STARD13: variants seen among roughly 807,000 people sequenced by gnomAD.
STARD13 encodes stAR-related lipid transfer protein 13.
Under a neutral mutation model 106.4 loss-of-function variants are expected in STARD13, and 62 were observed. That is an observed-to-expected ratio of 0.58 (90% CI 0.48 to 0.72). The LOEUF (loss-of-function observed/expected upper bound fraction) is 0.72, where lower values mean the gene tolerates loss of function less well. Among genes scored for constraint, STARD13 ranks in the 30% least tolerant of loss-of-function variants. The pLI, the probability that STARD13 is intolerant of heterozygous loss-of-function variation, is 0.00. For synonymous variants in STARD13, 565 were observed against 553.0 expected (o/e 1.02, Z -0.31); for missense variants, 1,387 against 1,424.0 (o/e 0.97, Z 0.42).
At chr13:33,351,366 G>A (rs537444375), upstream of STARD13, among the ~76,000 whole-genome samples, 1 of 152,286 alleles carries the variant, frequency 6.6e-6, no homozygotes, top group South Asian at 2.1e-4. Flanking sequence ...AGCCAAAAAC[G>A]TAAAGTAGGC....
the STARD13 span, among the ~76,000 whole-genome samples, chr13:33,355,923 G>A: frequency 2.2e-4 from 33 of 152,154 alleles, no homozygotes; most frequent in African/African-American, 7.5e-4. Context: ...CACTTTCTTG[G>A]AAGCAAAATT....
chr13:33,204,565 A>G (rs906786683), intron 1 of STARD13, among the ~76,000 whole-genome samples: 1 of 152,248 alleles, frequency 6.6e-6, no homozygotes, highest in African/African-American at 2.4e-5. Flanking sequence ...GTTGTCAGTA[A>G]CGGCATAATC....
the STARD13 span, among the ~76,000 whole-genome samples, chr13:33,569,773 CAG>C: frequency 6.8e-6 from 1 of 147,606 alleles, no homozygotes; most frequent in East Asian, 2.0e-4. Flanking sequence ...AACTTTCAGA[CAG>C]AAATATTAAT....
the STARD13 span, among the ~76,000 whole-genome samples, chr13:33,589,801 G>T: frequency 6.6e-6 from 1 of 152,184 alleles, no homozygotes; most frequent in African/African-American, 2.4e-5. Context: ...GAGCTCTGTA[G>T]ATGTCTATTA....
At chr13:33,673,478 A>T in the STARD13 span, among the ~76,000 whole-genome samples, 1 of 151,798 alleles carries the variant, frequency 6.6e-6, no homozygotes, top group African/African-American at 2.4e-5. Context: ...ATTTTGCCAT[A>T]TTAGATAAGA....
chr13:33,505,552 C>T, the STARD13 span, among the ~76,000 whole-genome samples: 8 of 152,064 alleles, frequency 5.3e-5, no homozygotes, highest in Non-Finnish European at 1.0e-4. Flanking sequence ...AACAACAAAA[C>T]GTCTTTTGAA....
intron 7 of STARD13, among the ~76,000 whole-genome samples, chr13:33,122,584 C>A (rs553710636): frequency 6.6e-6 from 1 of 152,224 alleles, no homozygotes; most frequent in Admixed American, 6.5e-5. Context: ...AGCCCAGCCA[C>A]CCTCTTGAGA....
chr13:33,471,870 GA>G, the STARD13 span, among the ~76,000 whole-genome samples: 1 of 152,044 alleles, frequency 6.6e-6, no homozygotes, highest in African/African-American at 2.4e-5. Context: ...GCTGAAATAA[GA>G]AATTAGGAGA....
At chr13:33,482,288 T>A in the STARD13 span, among the ~76,000 whole-genome samples, 1 of 152,316 alleles carries the variant, frequency 6.6e-6, no homozygotes, top group Non-Finnish European at 1.5e-5. Flanking sequence ...TACTCTTCTA[T>A]CTAGTCTTGC....
At chr13:33,122,598 G>A (rs1876506459) in intron 7 of STARD13, among the ~76,000 whole-genome samples, 1 of 152,196 alleles carries the variant, frequency 6.6e-6, no homozygotes, top group Non-Finnish European at 1.5e-5. Flanking sequence ...CTTGAGAAAG[G>A]GGAGAATGGC....
chr13:33,344,199 TG>T (rs144183515), downstream of STARD13, among the ~76,000 whole-genome samples: 26,106 of 152,146 alleles, frequency 0.17, 2,471 homozygotes, highest in African/African-American at 0.23. Flanking sequence ...TTAGTACTTC[TG>T]AAAGGCTCCA....
At chr13:33,242,289 G>A (rs1286595673) in intron 1 of STARD13, among the ~76,000 whole-genome samples, 1 of 152,164 alleles carries the variant, frequency 6.6e-6, no homozygotes, top group African/African-American at 2.4e-5. Context: ...TGATGACGAG[G>A]GCAGTTTTGT....
the STARD13 span, among the ~76,000 whole-genome samples, chr13:33,364,743 G>T: frequency 6.6e-6 from 1 of 152,182 alleles, no homozygotes; most frequent in South Asian, 2.1e-4. Flanking sequence ...CAGAAAATTA[G>T]CCAGGCGTGG....
chr13:33,457,840 T>C, the STARD13 span, among the ~76,000 whole-genome samples: 5 of 152,136 alleles, frequency 3.3e-5, no homozygotes, highest in Admixed American at 2.6e-4. Flanking sequence ...TACCATCATA[T>C]TGGGGGTTAG....
At chr13:33,215,306 C>T (rs547263242) in intron 1 of STARD13, among the ~76,000 whole-genome samples, 16 of 152,230 alleles carry the variant, frequency 1.1e-4, no homozygotes, top group African/African-American at 3.1e-4. Flanking sequence ...TCTGCCCAGC[C>T]GGTCTTAACC....
chr13:33,518,630 G>A, the STARD13 span, among the ~76,000 whole-genome samples: 1 of 152,072 alleles, frequency 6.6e-6, no homozygotes, highest in South Asian at 2.1e-4. Flanking sequence ...ACAGCTGTTT[G>A]GGGAGGGTGG....
rs1163048769 is a variant in STARD13 at position 33,285,712 on chromosome 13, C to A, written c.-74G>T. 1.3e-6 allele frequency: 2 copies of A among 1,582,694 alleles called. No homozygotes were observed. Among genetic ancestry groups the A allele is most frequent in the Non-Finnish European group, 8.6e-7 (1 of 1,167,360 alleles). ...TCTGTCTCCAGTCTCAGTCAAAGAG[C>A]AAGGCACCCAGCCCAGGACAGCTCA... On this transcript the variant is annotated 5_prime_UTR_variant, in exon 1 of 14. Transcript: ENST00000336934.
rs555680827 is a variant in STARD13 at position 33,109,534 on chromosome 13, C to T, written c.3047+339G>A. ...AATCAGAAGAAAAGCCAGTCAGATC[C>T]ATTTGCATAATTTGGCAGAAAGTGC... is the stretch of plus-strand genomic sequence containing the variant. On this transcript the variant is annotated intron_variant, in intron 12 of 13. Coordinates refer to ENST00000336934, the MANE Select transcript of STARD13 (RefSeq NM_178006.4). 4.6e-5 allele frequency among the ~76,000 whole-genome samples: 7 copies of T among 152,322 alleles called. No homozygotes were observed. In the South Asian group the frequency reaches 1.4e-3, roughly 32 times the overall value.
At chr13:33,140,762 CTTTCT>C (rs1879708065) in intron 4 of STARD13, among the ~76,000 whole-genome samples, 3 of 142,298 alleles carry the variant, frequency 2.1e-5, no homozygotes, top group Non-Finnish European at 3.1e-5. Flanking sequence ...ACTTTCTTTT[CTTTCT>C]TTTTTTTTTT....
Sources: gnomAD v4.1 joint callset for allele counts (sites outside exome capture counted in the v4.1 genomes callset) on GRCh38, gnomAD v4.1.1 for gene constraint, MANE v1.5 for transcripts, NCBI Gene and HGNC (gene_info 2026-07-23, HGNC 2026-07-21) for gene names.